The following FOXO3 variants were observed in gnomAD, a reference collection of about 807,000 sequenced individuals.
FOXO3 encodes the protein forkhead box O3.
In FOXO3, 4 loss-of-function variants were observed where a neutral mutation model predicts 41.9. The ratio of observed to expected loss-of-function variants is 0.10; its 90% CI spans 0.05 to 0.22. FOXO3 has a LOEUF of 0.22. FOXO3 is among the 10% of genes least tolerant of loss of function. The probability of loss-of-function intolerance (pLI) is 1.00; values close to 1 mark genes in which losing one functional copy is unlikely to be tolerated. For synonymous variants in FOXO3, 318 were observed against 389.3 expected (o/e 0.82, Z 2.16); for missense variants, 534 against 906.8 (o/e 0.59, Z 5.28).
chr6:108,583,116 C>T (rs1776476024), intron 1 of FOXO3, among the ~76,000 whole-genome samples: 1 of 152,186 alleles, frequency 6.6e-6, no homozygotes, highest in South Asian at 2.1e-4. Flanking sequence ...ACTCCGTGGT[C>T]ACCACCATTC....
intron 2 of FOXO3, among the ~76,000 whole-genome samples, chr6:108,672,091 C>A (rs1562268022): frequency 6.6e-6 from 1 of 152,176 alleles, no homozygotes. Flanking sequence ...CAAGCCTGAG[C>A]CTCTCCTGCT....
chr6:108,618,003 G>T (rs1482894201), intron 1 of FOXO3: 9 of 632,474 alleles, frequency 1.4e-5, no homozygotes, highest in Non-Finnish European at 2.4e-5. Context: ...TCCCTTCTCA[G>T]TAGACACCTC....
chr6:108,568,173 C>T (rs1174071657), intron 1 of FOXO3, among the ~76,000 whole-genome samples: 1 of 151,244 alleles, frequency 6.6e-6, no homozygotes, highest in Non-Finnish European at 1.5e-5. Flanking sequence ...GACTGCACCA[C>T]TGCACTCCAG....
intron 1 of FOXO3, chr6:108,656,268 T>G (rs930738548): frequency 1.8e-6 from 1 of 563,426 alleles, no homozygotes; most frequent in Admixed American, 6.3e-5. Context: ...CTGAGAAAGA[T>G]AAATTGATAC....
intron 2 of FOXO3, among the ~76,000 whole-genome samples, chr6:108,672,052 C>A (rs985087484): frequency 3.9e-5 from 6 of 152,208 alleles, no homozygotes; most frequent in African/African-American, 1.4e-4. Context: ...AGATGCCCCA[C>A]CCTGCTCTTT....
chr6:108,585,110 C>T lies in FOXO3; in HGVS notation c.621+23281C>T, dbSNP rs146862381. ...ACTGCGGACTGCAATGGCGCAATCT[C>T]GGCTCACTGCAAGCTCCGCTTCCTG... On this transcript the variant is annotated intron_variant, in intron 1 of 2. Transcript: ENST00000406360. Among the ~76,000 whole-genome samples the T allele has an allele frequency of 2.6e-3, 337 of 132,024 alleles. 1 individual carries two copies. The highest frequency in any genetic ancestry group is 5.4e-3 in the African/African-American group (195 of 35,910). The allele number at this position is 132,024 out of a possible 152,430, so 86.6% of individuals were successfully genotyped here.
Position 108,680,751 on chromosome 6 carries a change from G to GGA in FOXO3, c.*959_*960insGA, listed in dbSNP as rs1554220597. ...GTTTAGTTTTAAGGAGAAAGAAAAG[G>GGA]AAAAAAAAAAAAAACAAAAAAGTCC... On this transcript the variant is annotated 3_prime_UTR_variant, in exon 3 of 3. Coordinates refer to ENST00000406360, the MANE Select transcript of FOXO3 (RefSeq NM_001455.4). 4 of 137,238 alleles carry GGA rather than the reference G, an allele frequency of 2.9e-5. No individual in the cohort carries two copies. Among genetic ancestry groups the GGA allele is most frequent in the Non-Finnish European group, 6.2e-5 (4 of 64,006 alleles). The allele number at this position is 137,238 out of a possible 1,614,324, so 8.5% of individuals were successfully genotyped here.
chr6:108,606,216 G>C (rs962915647), intron 1 of FOXO3, among the ~76,000 whole-genome samples: 15 of 152,326 alleles, frequency 9.8e-5, no homozygotes, highest in African/African-American at 3.6e-4. Context: ...TAATGTTCTT[G>C]TCAGTTAATG....
intron 1 of FOXO3, among the ~76,000 whole-genome samples, chr6:108,649,306 GA>G (rs1458788401): frequency 6.6e-6 from 1 of 152,044 alleles, no homozygotes; most frequent in Non-Finnish European, 1.5e-5. Flanking sequence ...TCTGGAGGGA[GA>G]CACTATGACT....
chr6:108,608,968 C>T (rs951259645), intron 1 of FOXO3, among the ~76,000 whole-genome samples: 2 of 152,140 alleles, frequency 1.3e-5, no homozygotes, highest in Non-Finnish European at 2.9e-5. Flanking sequence ...CTTTTGTTAA[C>T]GCTGAGGTTG....
At chr6:108,606,151 T>C (rs746724221) in intron 1 of FOXO3, among the ~76,000 whole-genome samples, 8 of 152,226 alleles carry the variant, frequency 5.3e-5, no homozygotes, top group Non-Finnish European at 1.2e-4. Flanking sequence ...GTTTGAAGAC[T>C]GGAATTCTGT....
intron 1 of FOXO3, among the ~76,000 whole-genome samples, chr6:108,609,214 A>G (rs1777290916): frequency 6.6e-6 from 1 of 152,182 alleles, no homozygotes; most frequent in Admixed American, 6.5e-5. Context: ...AAGCCTTACT[A>G]TTTTTAACCT....
At chr6:108,561,958 C>T (rs1463437261) in intron 1 of FOXO3, 129 bp downstream of exon 1, 3 of 1,342,858 alleles carry the variant, frequency 2.2e-6, no homozygotes, top group Admixed American at 3.5e-5. Context: ...GCCTCCGCTG[C>T]GAGGCTTTGG....
chr6:108,618,576 C>T (rs571128837), intron 1 of FOXO3, among the ~76,000 whole-genome samples: 12 of 152,292 alleles, frequency 7.9e-5, no homozygotes, highest in South Asian at 2.1e-4. Context: ...TGATGTAGCC[C>T]GAGTACTTAT....
chr6:108,576,061 A>G (rs1212760919), intron 1 of FOXO3, among the ~76,000 whole-genome samples: 1 of 152,220 alleles, frequency 6.6e-6, no homozygotes, highest in African/African-American at 2.4e-5. Context: ...TCTTAAGCTC[A>G]TGATAGATAA....
chr6:108,569,090 G>A lies in FOXO3; in HGVS notation c.621+7261G>A, dbSNP rs145864323. ...CTGTTATGTAAAGCCTTAGTTGTTTGTAATGTTCTGCATTTTGGGGCAGAA... is the reference window on the plus strand; with the variant it reads ...CTGTTATGTAAAGCCTTAGTTGTTTATAATGTTCTGCATTTTGGGGCAGAA... On this transcript the variant is annotated intron_variant, in intron 1 of 2. Coordinates refer to ENST00000406360, the MANE Select transcript of FOXO3 (RefSeq NM_001455.4). 1.6e-3 allele frequency among the ~76,000 whole-genome samples: 247 copies of A among 152,316 alleles called. 1 individual carries two copies. The highest frequency in any genetic ancestry group is 9.3e-3 in the South Asian group (45 of 4,816).
chr6:108,649,435 A>G (rs1357916142), intron 1 of FOXO3, among the ~76,000 whole-genome samples: 1 of 151,006 alleles, frequency 6.6e-6, no homozygotes, highest in African/African-American at 2.4e-5. Context: ...AACACAAGAA[A>G]CCCCTGGCAA....
intron 1 of FOXO3, among the ~76,000 whole-genome samples, chr6:108,641,279 C>T (rs1433403745): frequency 6.6e-6 from 1 of 152,024 alleles, no homozygotes; most frequent in African/African-American, 2.4e-5. Flanking sequence ...TGCCTTTAAA[C>T]TTAAGTTACT....
At chr6:108,585,217 A>AT (rs902133769) in intron 1 of FOXO3, among the ~76,000 whole-genome samples, 1 of 150,970 alleles carries the variant, frequency 6.6e-6, no homozygotes, top group East Asian at 2.0e-4. Context: ...AATTTTTTGT[A>AT]TTTTTTTAGT....
Sources: allele counts gnomAD v4.1 joint callset (sites outside exome capture counted in the v4.1 genomes callset), GRCh38; gene constraint gnomAD v4.1.1; transcripts MANE v1.5; gene names NCBI Gene and HGNC (gene_info 2026-07-23, HGNC 2026-07-21).